Variants in PLBD2 observed in about 807,000 individuals in gnomAD.
PLBD2 encodes the protein phospholipase B domain containing 2.
In PLBD2, 51 loss-of-function variants were observed where a neutral mutation model predicts 68.3. That is an observed-to-expected ratio of 0.75 (90% CI 0.60 to 0.94). The LOEUF (loss-of-function observed/expected upper bound fraction) is 0.94, where lower values mean the gene tolerates loss of function less well. Ranked by LOEUF, PLBD2 falls within the 40% of genes least tolerant of loss-of-function variation. PLBD2 has a pLI of 0.00. For synonymous variants in PLBD2, 314 were observed against 339.3 expected, an observed-to-expected ratio of 0.93 and a Z score of 0.82; for missense variants, 729 against 792.2, an observed-to-expected ratio of 0.92 and a Z score of 0.96.
In PLBD2 at chr12:113,388,684, G is replaced by T. The variant is rs558039556; in HGVS notation, c.*58G>T. The T allele has an allele frequency of 6.0e-6, 9 of 1,489,560 alleles. No homozygotes were observed. The African/African-American group carries it at 9.9e-5, about 16-fold the overall frequency. 92.3% of individuals were successfully genotyped at this position (1,489,560 alleles called of 1,614,324 possible). ...GCTGACCCTCGTCAGGGTCACCCCC[G>T]TCCCAAGGCCACCGGACTTCTAACT... On this transcript the variant is annotated 3_prime_UTR_variant, in exon 12 of 12. Transcript: ENST00000280800.
intron 1 of PLBD2, among the ~76,000 whole-genome samples, chr12:113,366,173 G>A (rs1239169132): frequency 6.6e-6 from 1 of 152,104 alleles, no homozygotes; most frequent in African/African-American, 2.4e-5. Context: ...TCCTGGAAGT[G>A]TTCGATGGCT....
At position 113,384,381 on chromosome 12, in the gene PLBD2, C is replaced by T; in HGVS notation, c.1118+116C>T. The T allele has an allele frequency of 7.6e-7, 1 of 1,318,244 alleles. No homozygotes were observed. Among genetic ancestry groups the T allele is most frequent in the South Asian group, 1.5e-5 (1 of 68,624 alleles). The allele number at this position is 1,318,244 out of a possible 1,614,324, so 81.7% of individuals were successfully genotyped here. On this transcript the variant is annotated intron_variant, in intron 7 of 11. Coordinates refer to ENST00000280800, the MANE Select transcript of PLBD2 (RefSeq NM_173542.4). This position sits in a 1 kb window ranked among gnomAD's most constrained non-coding sequence, Gnocchi z 4.2. The stretch of plus-strand genomic sequence containing the variant: ...GCATCCGGGCCACACACCCCACGCC[C>T]TCCTTTGTTTCATACATGGGGAGAC...
chr12:113,364,655 T>G (rs1483631976), intron 1 of PLBD2, among the ~76,000 whole-genome samples: 1 of 151,424 alleles, frequency 6.6e-6, no homozygotes, highest in Non-Finnish European at 1.5e-5. Flanking sequence ...GAGAGGGGAG[T>G]CTCGCTTTAT....
chr12:113,362,926 A>G (rs1321314082), intron 1 of PLBD2, among the ~76,000 whole-genome samples: 1 of 151,376 alleles, frequency 6.6e-6, no homozygotes, highest in African/African-American at 2.4e-5. Context: ...CTGGGATTAC[A>G]GGTGTGAGCC....
At chr12:113,363,777 T>TCCAC (rs917382043) in intron 1 of PLBD2, among the ~76,000 whole-genome samples, 1 of 152,142 alleles carries the variant, frequency 6.6e-6, no homozygotes, top group Non-Finnish European at 1.5e-5. Flanking sequence ...GACCTCATGA[T>TCCAC]CCACCCGCCT....
At chr12:113,383,972 C>A in intron 6 of PLBD2, 133 bp from the exon 7 acceptor site, 1 of 769,936 alleles carries the variant, frequency 1.3e-6, no homozygotes, top group Non-Finnish European at 1.8e-6. Flanking sequence ...GCACTCCAGC[C>A]TGGGCAAGAG....
At chr12:113,360,131 A>C (rs1957277673) in intron 1 of PLBD2, among the ~76,000 whole-genome samples, 1 of 152,190 alleles carries the variant, frequency 6.6e-6, no homozygotes, top group Admixed American at 6.5e-5. Flanking sequence ...TGGGGGGTAC[A>C]TCAAGTAGAC....
rs564114452 is a variant in PLBD2, at chr12:113,374,807, C to T, written c.659C>T (p.Ser220Phe). ...GCCCTCCTCAGCCTGCTGCAGCTCTCTGGGGACCTGGAAGACCTGGAGCTG... is the reference window on the plus strand; with the variant it reads ...GCCCTCCTCAGCCTGCTGCAGCTCTTTGGGGACCTGGAAGACCTGGAGCTG... ...KPLGFLLLQLSGDLEDLELAL... is the reference protein window; with the variant it reads ...KPLGFLLLQLFGDLEDLELAL... The change falls in exon 5 of 12, where the codon TCT (serine) becomes TTT (phenylalanine). Residue 220 changes from serine to phenylalanine, a missense_variant. Ser to Phe is a radical substitution (Grantham distance 155, BLOSUM62 -2). Coordinates refer to ENST00000280800, the MANE Select transcript of PLBD2 (RefSeq NM_173542.4). The T allele has an allele frequency of 8.7e-6, 14 of 1,613,782 alleles. No homozygotes were observed. In the East Asian group the frequency reaches 2.0e-4, roughly 23 times the overall value.
chr12:113,362,367 C>G (rs182320267), intron 1 of PLBD2, among the ~76,000 whole-genome samples: 114 of 151,686 alleles, frequency 7.5e-4, no homozygotes, highest in Non-Finnish European at 1.4e-3. Flanking sequence ...GTGATAGACA[C>G]AGTTATGGGG....
chr12:113,379,307 CAAAAAA>C (rs759130410), intron 5 of PLBD2, among the ~76,000 whole-genome samples: 12 of 46,478 alleles, frequency 2.6e-4, no homozygotes, highest in African/African-American at 8.7e-4. Context: ...GACTCTGTCT[CAAAAAA>C]AAAAAAAAAA....
chr12:113,361,539 G>T (rs1345204527), intron 1 of PLBD2, among the ~76,000 whole-genome samples: 2 of 151,654 alleles, frequency 1.3e-5, no homozygotes, highest in Admixed American at 1.3e-4. Context: ...AGAAACAGGG[G>T]TCTTGTCATG....
intron 3 of PLBD2, among the ~76,000 whole-genome samples, chr12:113,374,241 T>G (rs983331483): frequency 2.0e-5 from 3 of 152,014 alleles, no homozygotes; most frequent in Non-Finnish European, 4.4e-5. Flanking sequence ...TGGGGCTGAT[T>G]TGGGGTTAAC....
At chr12:113,370,531 C>T (rs1391785314) in intron 2 of PLBD2, among the ~76,000 whole-genome samples, 2 of 128,418 alleles carry the variant, frequency 1.6e-5, no homozygotes, top group African/African-American at 6.0e-5. Flanking sequence ...GACTGGAGTA[C>T]AGTGGCGTGA....
intron 6 of PLBD2, among the ~76,000 whole-genome samples, chr12:113,383,225 G>A (rs1957513533): frequency 6.6e-6 from 1 of 152,154 alleles, no homozygotes; most frequent in Admixed American, 6.6e-5. Context: ...GCATCTGCCA[G>A]GCTGACAGCC....
At chr12:113,367,763 AAAG>A in intron 1 of PLBD2, among the ~76,000 whole-genome samples, 1 of 151,300 alleles carries the variant, frequency 6.6e-6, no homozygotes, top group Non-Finnish European at 1.5e-5. Context: ...AAAAAAAAAA[AAAG>A]AAAAAAGCCC....
rs751937754 is a variant in PLBD2 at position 113,374,433 on chromosome 12, G to A, written c.544-41G>A. The A allele has an allele frequency of 3.8e-6, 5 of 1,326,592 alleles. No individual in the cohort carries two copies. The South Asian group carries it at 5.0e-5, about 13-fold the overall frequency. 82.2% of individuals were successfully genotyped at this position (1,326,592 alleles called of 1,614,324 possible). ...TGAAGGAGAAGGTGTGAGCCTGGAG[G>A]AGAGGCCTCACCCTCCCTCTGCCCC... On this transcript the variant is annotated intron_variant, in intron 3 of 11. Coordinates refer to ENST00000280800, the MANE Select transcript of PLBD2 (RefSeq NM_173542.4).
rs1403456132 is a variant in PLBD2, at chr12:113,358,786, C to G, written c.186C>G (p.Arg62=). The change falls in exon 1 of 12, where the codon CGC becomes CGG. Residue 62 remains arginine (R), a synonymous_variant. Transcript: ENST00000280800. ...AGGTCCCTCCAGCCTCCCGCAGCCG[C>G]TCGGTGCTCCTGGACGTCTCGGCGG... is the stretch of plus-strand genomic sequence containing the variant. ...DGQVPPASRS[R]SVLLDVSAGQ... is the part of the protein sequence containing the mutation. The G allele has an allele frequency of 2.1e-6, 3 of 1,460,270 alleles. No homozygotes were observed. In the African/African-American group the frequency reaches 4.5e-5, roughly 22 times the overall value. The allele number at this position is 1,460,270 out of a possible 1,614,324, so 90.5% of individuals were successfully genotyped here.
intron 6 of PLBD2, 65 bp downstream of exon 6, chr12:113,380,907 C>A: frequency 6.9e-7 from 1 of 1,444,586 alleles, no homozygotes; most frequent in Non-Finnish European, 9.5e-7. Context: ...TCTGAGCTGG[C>A]AGGATTGATT....
In PLBD2 at chr12:113,374,735, G is replaced by A; in HGVS notation, c.645-58G>A. On this transcript the variant is annotated intron_variant, in intron 4 of 11. Transcript: ENST00000280800. ...CTCAGCTTTCTCCTCTGCAAAATGA[G>A]TACATAACAGCACTCACAGCAGGCG... The A allele has an allele frequency of 5.7e-6, 9 of 1,588,538 alleles. No individual in the cohort carries two copies. In the South Asian group the frequency reaches 8.9e-5, roughly 16 times the overall value.
Sources: gnomAD v4.1 joint callset for allele counts (sites outside exome capture counted in the v4.1 genomes callset) on GRCh38, gnomAD v4.1.1 for gene constraint, Gnocchi (gnomAD v3.1) non-coding constraint, MANE v1.5 for transcripts, NCBI Gene and HGNC (gene_info 2026-07-23, HGNC 2026-07-21) for gene names.